MACC1: variants seen among roughly 807,000 people sequenced by gnomAD.
The protein encoded by MACC1 is metastasis-associated in colon cancer protein 1.
Under a neutral mutation model 70.7 loss-of-function variants are expected in MACC1, and 79 were observed. That is an observed-to-expected ratio of 1.12 (90% CI 0.93 to 1.35). The LOEUF is 1.35. Among genes scored for constraint, MACC1 ranks in the 40% most tolerant of loss-of-function variants. The pLI, the probability that MACC1 is intolerant of heterozygous loss-of-function variation, is 0.00. For missense variants in MACC1, 1,106 were observed against 978.1 expected (o/e 1.13, Z -1.74); for synonymous variants, 361 against 347.2 (o/e 1.04, Z -0.44).
At chr7:20,197,450 A>C (rs1256852554) in intron 1 of MACC1, among the ~76,000 whole-genome samples, 1 of 152,236 alleles carries the variant, frequency 6.6e-6, no homozygotes, top group African/African-American at 2.4e-5. Flanking sequence ...AGCCAAGATA[A>C]CAATTTTGTG....
chr7:20,204,181 G>A (rs1433604131), intron 1 of MACC1, among the ~76,000 whole-genome samples: 1 of 152,034 alleles, frequency 6.6e-6, no homozygotes, highest in Non-Finnish European at 1.5e-5. Context: ...TTGAGATGGA[G>A]TCTTGCTCTG....
intron 6 of MACC1, among the ~76,000 whole-genome samples, chr7:20,145,156 G>T (rs1042145358): frequency 4.3e-4 from 65 of 152,090 alleles, no homozygotes; most frequent in Admixed American, 5.9e-4. Context: ...TTTTCCCTCT[G>T]CAGGGTTGGT....
intron 1 of MACC1, among the ~76,000 whole-genome samples, chr7:20,181,642 A>C (rs1411728075): frequency 6.6e-6 from 1 of 152,162 alleles, no homozygotes; most frequent in Non-Finnish European, 1.5e-5. Flanking sequence ...TCTGGTAAAG[A>C]GTATTTGCCA....
rs1041232372 is a variant in MACC1, at chr7:20,154,198, C to T, written c.2341G>A (p.Val781Ile). ...PHRGNTGDVA[V>I]EMMWKPAYDF... ...TACACAAACAGAAGTCTTACCTCAA[C>T]AGCAACATCTCCAGTGTTTCCTCGA... is the stretch of plus-strand genomic sequence containing the variant. The change falls in exon 6 of 7, where the codon GTT (valine) becomes ATT (isoleucine). Residue 781 changes from valine to isoleucine, a missense_variant. Val to Ile is a conservative substitution (Grantham distance 29). Transcript: ENST00000400331. 6.2e-7 allele frequency: 1 copy of T among 1,613,848 alleles called. No individual in the cohort carries two copies. Among genetic ancestry groups the T allele is most frequent in the Non-Finnish European group, 8.5e-7 (1 of 1,179,832 alleles).
chr7:20,167,048 A>C (rs1782231206), intron 2 of MACC1, among the ~76,000 whole-genome samples: 1 of 152,210 alleles, frequency 6.6e-6, no homozygotes, highest in Admixed American at 6.5e-5. Flanking sequence ...TGTAAAAAAT[A>C]AAAAAGGTAA....
rs1408782498 is a variant in MACC1, at chr7:20,158,363, A to T, written c.1998T>A (p.Val666=). 1 of 1,613,812 alleles carries T rather than the reference A, an allele frequency of 6.2e-7. No homozygotes were observed. Among genetic ancestry groups the T allele is most frequent in the Non-Finnish European group, 8.5e-7 (1 of 1,179,952 alleles). ...LVSEKVYDWK[V]LADVLGYSHL... is the part of the protein sequence containing the mutation. ...GTGAGTAACCCAGGACATCAGCTAA[A>T]ACTTTCCAATCATAAACTTTTTCTG... Residue 666 remains valine (V), a synonymous_variant, in exon 5 of 7, where the codon GTT becomes GTA. Transcript: ENST00000400331.
intron 6 of MACC1, 136 bp downstream of exon 6, chr7:20,154,057 C>T: frequency 2.5e-6 from 2 of 792,220 alleles, no homozygotes; most frequent in Non-Finnish European, 4.2e-6. Flanking sequence ...TGATGAGTTA[C>T]TAGTGCAGTG....
intron 1 of MACC1, among the ~76,000 whole-genome samples, chr7:20,197,937 T>C (rs1425275975): frequency 3.9e-5 from 6 of 152,352 alleles, no homozygotes; most frequent in Middle Eastern, 3.4e-3. Context: ...ACTTCATTTA[T>C]AGAAATATTT....
In MACC1 at chr7:20,159,107, C is replaced by T. The variant is rs140187255; in HGVS notation, c.1254G>A (p.Gln418=). 1.8e-4 allele frequency: 293 copies of T among 1,613,308 alleles called. No homozygotes were observed. Among genetic ancestry groups the T allele is most frequent in the Non-Finnish European group, 2.4e-4 (280 of 1,179,912 alleles). The change falls in exon 5 of 7, where the codon CAG becomes CAA. Residue 418 remains glutamine, a synonymous_variant. Transcript: ENST00000400331. ...GTAAAAATGACTGCTTCCCCCAGAG[C>T]TGAAACACAACTGGAGATATGTTTT... ...GGKNISPVVF[Q]LWGKQSFLLD...
intron 2 of MACC1, among the ~76,000 whole-genome samples, 186 bp from the exon 3 acceptor site, chr7:20,164,585 T>C (rs919548860): frequency 6.6e-6 from 1 of 152,174 alleles, no homozygotes; most frequent in East Asian, 1.9e-4. Flanking sequence ...TTTCCCTGAT[T>C]GGGGAAACTA....
chr7:20,140,991 C>T lies in MACC1; in HGVS notation c.2514G>A (p.Leu838=). ...AGAATGCAGTTACTCTCAAAACCTC[C>T]AAAGAATTTACTAGTATTAAAACTC... The part of the protein sequence containing the change: ...LTGVLILVNS[L]EVLRVTAFST... Residue 838 remains leucine, a synonymous_variant, in exon 7 of 7, where the codon TTG becomes TTA. Transcript: ENST00000400331. 6.2e-7 allele frequency: 1 copy of T among 1,613,808 alleles called. No homozygotes were observed. The highest frequency in any genetic ancestry group is 8.5e-7 in the Non-Finnish European group (1 of 1,179,894).
chr7:20,178,749 C>T (rs886292559), intron 1 of MACC1, among the ~76,000 whole-genome samples: 1 of 152,072 alleles, frequency 6.6e-6, no homozygotes, highest in African/African-American at 2.4e-5. Context: ...TACAGGCATG[C>T]ACCACCACGC....
intron 6 of MACC1, among the ~76,000 whole-genome samples, chr7:20,150,176 C>A (rs1267388442): frequency 6.6e-6 from 1 of 152,114 alleles, no homozygotes; most frequent in Admixed American, 6.6e-5. Context: ...AACAGTTTAT[C>A]CCAATTCCCA....
intron 3 of MACC1, 80 bp from the exon 4 acceptor site, chr7:20,161,950 C>T (rs1031829217): frequency 1.7e-5 from 14 of 825,980 alleles, no homozygotes; most frequent in South Asian, 3.0e-5. Flanking sequence ...AGACATCATA[C>T]GTATTTCTAT....
intron 1 of MACC1, among the ~76,000 whole-genome samples, chr7:20,203,877 A>G (rs1256244102): frequency 6.6e-6 from 1 of 152,162 alleles, no homozygotes; most frequent in Non-Finnish European, 1.5e-5. Flanking sequence ...ATAATAGCTA[A>G]CGGCTGGAAA....
chr7:20,171,536 G>A (rs1477635528), intron 1 of MACC1, among the ~76,000 whole-genome samples: 1 of 150,568 alleles, frequency 6.6e-6, no homozygotes, highest in African/African-American at 2.4e-5. Flanking sequence ...TTACAGGCAT[G>A]AGCCACCACG....
At chr7:20,151,090 G>T (rs540197956) in intron 6 of MACC1, among the ~76,000 whole-genome samples, 1 of 151,358 alleles carries the variant, frequency 6.6e-6, no homozygotes, top group Non-Finnish European at 1.5e-5. Flanking sequence ...TGAAACTTTA[G>T]TGTCCTTGGT....
intron 6 of MACC1, among the ~76,000 whole-genome samples, chr7:20,143,274 C>T (rs1781833716): frequency 6.6e-6 from 1 of 152,126 alleles, no homozygotes; most frequent in South Asian, 2.1e-4. Flanking sequence ...ACAGGTGATG[C>T]AAAAAATAGA....
At position 20,138,152 on chromosome 7, in the gene MACC1, C is replaced by CAAAAAAAAAAAAAAAAAAAAAAAAAAAA. The variant is rs535703374; in HGVS notation, c.*2766_*2793dup. On this transcript the variant is annotated 3_prime_UTR_variant, in exon 7 of 7. Coordinates refer to ENST00000400331, the MANE Select transcript of MACC1 (RefSeq NM_182762.4). The stretch of plus-strand genomic sequence containing the variant: ...TGGGCAACAGAGCCAGACTCTGGCT[C>CAAAAAAAAAAAAAAAAAAAAAAAAAAAA]AAAAAAAAAAAAAAAAAAAAAAAAA... 2 of 67,868 alleles carry CAAAAAAAAAAAAAAAAAAAAAAAAAAAA rather than the reference C, an allele frequency of 2.9e-5. No homozygotes were observed. Among genetic ancestry groups the CAAAAAAAAAAAAAAAAAAAAAAAAAAAA allele is most frequent in the African/African-American group, 9.0e-5 (2 of 22,158 alleles). The allele number at this position is 67,868 out of a possible 1,614,324, so 4.2% of individuals were successfully genotyped here. A position where few individuals can be genotyped will look rare whatever the true frequency, so the allele number is the denominator to read the frequency against.
Sources: allele counts gnomAD v4.1 joint callset (sites outside exome capture counted in the v4.1 genomes callset), GRCh38; gene constraint gnomAD v4.1.1; transcripts MANE v1.5; gene names NCBI Gene and HGNC (gene_info 2026-07-23, HGNC 2026-07-21).